SMC3: variants seen among roughly 807,000 people sequenced by gnomAD.
The protein encoded by SMC3 is structural maintenance of chromosomes 3.
Under a neutral mutation model 171.8 loss-of-function variants are expected in SMC3, and 20 were observed. That is an observed-to-expected ratio of 0.12 (90% CI 0.08 to 0.17). The LOEUF (loss-of-function observed/expected upper bound fraction) is 0.17. Ranked by LOEUF, SMC3 falls within the 10% of genes least tolerant of loss-of-function variation. SMC3 has a pLI of 1.00. For missense variants in SMC3, 543 were observed against 1,420.4 expected, an observed-to-expected ratio of 0.38 and a Z score of 9.93; for synonymous variants, 464 against 451.1, an observed-to-expected ratio of 1.03 and a Z score of -0.36.
At chr10:110,579,887 G>A (rs1331180549) in intron 7 of SMC3, among the ~76,000 whole-genome samples, 1 of 152,038 alleles carries the variant, frequency 6.6e-6, no homozygotes, top group Non-Finnish European at 1.5e-5. Context: ...TTGACATTTA[G>A]GGATACTTGT....
At chr10:110,594,108 A>ATTTGG (rs66773481) in intron 18 of SMC3, among the ~76,000 whole-genome samples, 12 of 378 alleles carry the variant, frequency 0.032, no homozygotes, top group Non-Finnish European at 0.082. Context: ...AAATGTGATC[A>ATTTGG]TATAGCAGGG....
chr10:110,567,908 C>T, intron 1 of SMC3, 77 bp downstream of exon 1: 7 of 1,451,096 alleles, frequency 4.8e-6, no homozygotes, highest in Non-Finnish European at 6.5e-6. Context: ...TGCGGCGCCA[C>T]CCGCAGCCTC....
At position 110,574,611 on chromosome 10, in the gene SMC3, T is replaced by G. The variant is rs1860919792; in HGVS notation, c.131-725T>G. ...TCAGAATCTCCAGGGCAGTGTGAAG[T>G]CTCCTCACCTCGACCTGTGTCCACA... On this transcript the variant is annotated intron_variant, in intron 3 of 28. Transcript: ENST00000361804. Among the ~76,000 whole-genome samples the G allele has an allele frequency of 2.0e-5, 3 of 152,096 alleles. No individual in the cohort carries two copies. In the South Asian group the frequency reaches 6.2e-4, roughly 31 times the overall value.
intron 20 of SMC3, among the ~76,000 whole-genome samples, chr10:110,599,331 G>A (rs990755247): frequency 3.3e-5 from 5 of 152,062 alleles, no homozygotes; most frequent in Non-Finnish European, 5.9e-5. Context: ...TCCTGACCTC[G>A]TGATCCACCC....
At position 110,577,919 on chromosome 10, in the gene SMC3, G is replaced by T. The variant is rs367607140; in HGVS notation, c.350+5G>T. ...CTTAGACAAGAAGATGGTCACGTAA[G>T]CATTTTTCTTTTTTTTAAAAAAACT... On this transcript the variant is annotated splice_donor_5th_base_variant and intron_variant, in intron 6 of 28. Coordinates refer to ENST00000361804, the MANE Select transcript of SMC3 (RefSeq NM_005445.4). The T allele has an allele frequency of 6.2e-7, 1 of 1,601,092 alleles. No homozygotes were observed. Among genetic ancestry groups the T allele is most frequent in the South Asian group, 1.1e-5 (1 of 90,770 alleles).
chr10:110,596,941 A>C (rs913102142), intron 19 of SMC3, among the ~76,000 whole-genome samples: 2 of 151,814 alleles, frequency 1.3e-5, no homozygotes, highest in East Asian at 3.9e-4. Flanking sequence ...TGGGGGCGGC[A>C]TCAGTAATGT....
chr10:110,604,154 G>T, intron 28 of SMC3, 77 bp from the exon 29 acceptor site: 1 of 786,904 alleles, frequency 1.3e-6, no homozygotes. Context: ...GTAGTTGATA[G>T]GCTGTATATA....
At chr10:110,604,124 A>AC in intron 28 of SMC3, 107 bp from the exon 29 acceptor site, 1 of 634,250 alleles carries the variant, frequency 1.6e-6, no homozygotes, top group Admixed American at 2.9e-5. Flanking sequence ...AAAACTAAAA[A>AC]TTAAAAAATG....
intron 4 of SMC3, among the ~76,000 whole-genome samples, chr10:110,576,359 G>A (rs1182146655): frequency 6.6e-6 from 1 of 152,048 alleles, no homozygotes; most frequent in Admixed American, 6.6e-5. Context: ...TTATTAAGTG[G>A]GTCCTTTTGT....
chr10:110,605,660 T>C lies in SMC3; in HGVS notation c.*1358T>C, dbSNP rs566866964. ...TTATTTATACTTTGTAGCTTTGCTA[T>C]AACATAACTGATCTATAATAGAGAA... On this transcript the variant is annotated 3_prime_UTR_variant, in exon 29 of 29. Transcript: ENST00000361804. Among the ~76,000 whole-genome samples, 11 of 152,366 alleles carry C rather than the reference T, an allele frequency of 7.2e-5. No homozygotes were observed. The South Asian group carries it at 2.3e-3, about 32-fold the overall frequency.
Position 110,606,011 on chromosome 10 carries a change from A to G in SMC3, c.*1709A>G, listed in dbSNP as rs529262330. On this transcript the variant is annotated 3_prime_UTR_variant, in exon 29 of 29. Transcript: ENST00000361804. ...ATATTAGTATAATGAAATGCCAGTA[A>G]ATTTATAACAATAAAGCATCTAAAT... 6.6e-6 allele frequency among the ~76,000 whole-genome samples: 1 copy of G among 152,316 alleles called. No homozygotes were observed. Among genetic ancestry groups the G allele is most frequent in the African/African-American group, 2.4e-5 (1 of 41,560 alleles).
intron 28 of SMC3, 128 bp from the exon 29 acceptor site, chr10:110,604,094 CAAAAAAAAA>C (rs57491050): frequency 3.4e-4 from 79 of 230,240 alleles, no homozygotes; most frequent in South Asian, 1.1e-3. Flanking sequence ...GACTCCATCT[CAAAAAAAAA>C]AAAAAAAAAA....
intron 8 of SMC3, among the ~76,000 whole-genome samples, 186 bp downstream of exon 8, chr10:110,581,207 G>A (rs979274800): frequency 1.2e-4 from 16 of 138,334 alleles, no homozygotes; most frequent in Non-Finnish European, 2.4e-4. Flanking sequence ...TTGTGGAAAC[G>A]CACACTGACT....
At position 110,587,680 on chromosome 10, in the gene SMC3, C is replaced by T. The variant is rs572631923; in HGVS notation, c.1306-1925C>T. Among the ~76,000 whole-genome samples, 31 of 143,738 alleles carry T rather than the reference C, an allele frequency of 2.2e-4. No homozygotes were observed. The South Asian group carries it at 6.2e-3, about 29-fold the overall frequency. The allele number at this position is 143,738 out of a possible 152,430, so 94.3% of individuals were successfully genotyped here. On this transcript the variant is annotated intron_variant, in intron 13 of 28. Transcript: ENST00000361804. Reference sequence around the variant, plus strand: ...CAGCCTGGACGACAGAGCGAGACTCCGTCTCAAAGAAAAAAAAAAAAAAAA... The same window carrying T: ...CAGCCTGGACGACAGAGCGAGACTCTGTCTCAAAGAAAAAAAAAAAAAAAA...
rs959610787 is a variant in SMC3, at chr10:110,582,784, G to A, written c.804+142G>A. The A allele has an allele frequency of 1.7e-4, 119 of 689,010 alleles. 1 individual carries two copies. In the African/African-American group the frequency reaches 1.8e-3, roughly 10 times the overall value. 42.7% of individuals were successfully genotyped at this position (689,010 alleles called of 1,614,324 possible). On this transcript the variant is annotated intron_variant, in intron 10 of 28. Coordinates refer to ENST00000361804, the MANE Select transcript of SMC3 (RefSeq NM_005445.4). ...CCTGGGCTCAGGCAATCCTCTTGCC[G>A]CAGCTTCCTGAATAGCTGGAGCACA... is the stretch of plus-strand genomic sequence containing the variant.
chr10:110,586,888 C>G lies in SMC3; in HGVS notation c.1305+2492C>G, dbSNP rs1861126645. 3.3e-5 allele frequency among the ~76,000 whole-genome samples: 5 copies of G among 152,088 alleles called. No individual in the cohort carries two copies. The South Asian group carries it at 1.0e-3, about 32-fold the overall frequency. ...GTCAGGCTGTTCTCGAACTCCTGAC[C>G]TCAGGTGATCCGCCCACCTGAGCCT... On this transcript the variant is annotated intron_variant, in intron 13 of 28. Transcript: ENST00000361804.
At chr10:110,581,439 G>A (rs1020688843) in intron 8 of SMC3, among the ~76,000 whole-genome samples, 4 of 151,900 alleles carry the variant, frequency 2.6e-5, no homozygotes, top group Admixed American at 1.3e-4. Flanking sequence ...GGCTGATCTC[G>A]AACTCCTGAC....
In SMC3 at chr10:110,567,746, C is replaced by G. The variant is rs1439328570; in HGVS notation, c.-71C>G. 2 of 1,595,514 alleles carry G rather than the reference C, an allele frequency of 1.3e-6. No homozygotes were observed. The highest frequency in any genetic ancestry group is 2.2e-5 in the East Asian group (1 of 44,802). ...TTTGGGGGAGGGGTCGCGTAGGCGC[C>G]TCACCTGACCCTGCGGCCGTGCGGT... On this transcript the variant is annotated 5_prime_UTR_variant, in exon 1 of 29. Coordinates refer to ENST00000361804, the MANE Select transcript of SMC3 (RefSeq NM_005445.4).
At position 110,583,500 on chromosome 10, in the gene SMC3, T is replaced by C. The variant is rs1564790287; in HGVS notation, c.921T>C (p.Leu307=). ...EQIKQRTKLE[L]KAKDLQDELA... Reference sequence around the variant, plus strand: ...TTAAGCAGAGGACTAAGTTGGAGCTTAAAGCCAAGGATTTACAAGATGAAC... The same window carrying C: ...TTAAGCAGAGGACTAAGTTGGAGCTCAAAGCCAAGGATTTACAAGATGAAC... Residue 307 remains leucine, a synonymous_variant, in exon 11 of 29, where the codon CTT becomes CTC. Transcript: ENST00000361804. 6.2e-7 allele frequency: 1 copy of C among 1,614,088 alleles called. No homozygotes were observed. Among genetic ancestry groups the C allele is most frequent in the East Asian group, 2.2e-5 (1 of 44,858 alleles).
Sources: allele counts gnomAD v4.1 joint callset (sites outside exome capture counted in the v4.1 genomes callset), GRCh38; gene constraint gnomAD v4.1.1; transcripts MANE v1.5; gene names NCBI Gene and HGNC (gene_info 2026-07-23, HGNC 2026-07-21).